ADAMTS3: variants seen among roughly 807,000 people sequenced by gnomAD.
ADAMTS3 encodes the protein A disintegrin and metalloproteinase with thrombospondin motifs 3.
ADAMTS3 carries 73 observed loss-of-function variants against 129.0 expected under a neutral mutation model. That is an observed-to-expected ratio of 0.57 (90% CI 0.47 to 0.69). The LOEUF is 0.69. ADAMTS3 is among the 30% of genes least tolerant of loss of function. The pLI is 0.00. For synonymous variants in ADAMTS3, 477 were observed against 510.8 expected, an observed-to-expected ratio of 0.93 and a Z score of 0.89; for missense variants, 1,457 against 1,514.5, an observed-to-expected ratio of 0.96 and a Z score of 0.63.
At chr4:72,529,966 TA>T (rs1481283591) in intron 3 of ADAMTS3, among the ~76,000 whole-genome samples, 11 of 1,204 alleles carry the variant, frequency 9.1e-3, no homozygotes, top group Non-Finnish European at 0.023. Context: ...TAATATATTA[TA>T]TTTATATATA....
intron 3 of ADAMTS3, among the ~76,000 whole-genome samples, chr4:72,487,984 G>GA (rs1364660464): frequency 6.6e-6 from 1 of 151,770 alleles, no homozygotes; most frequent in Non-Finnish European, 1.5e-5. Context: ...AATGGAGAAA[G>GA]AAAAAAATAA....
Position 72,569,063 on chromosome 4 carries a change from C to G in ADAMTS3, c.-301G>C. ...CTAAGCCTGGGAGAGGGGGAAGGGACGAGGGGCTTTCCAACTATCTCTGCC... is the reference window on the plus strand; with the variant it reads ...CTAAGCCTGGGAGAGGGGGAAGGGAGGAGGGGCTTTCCAACTATCTCTGCC... On this transcript the variant is annotated 5_prime_UTR_variant, in exon 1 of 22. Transcript: ENST00000286657. 2.2e-6 allele frequency: 1 copy of G among 449,834 alleles called. No homozygotes were observed. The highest frequency in any genetic ancestry group is 4.0e-6 in the Non-Finnish European group (1 of 252,094). The allele number at this position is 449,834 out of a possible 1,614,324, so 27.9% of individuals were successfully genotyped here. A position where few individuals can be genotyped will look rare whatever the true frequency, so the allele number is the denominator to read the frequency against.
chr4:72,374,410 C>A (rs1302806335), intron 4 of ADAMTS3, among the ~76,000 whole-genome samples: 7 of 151,774 alleles, frequency 4.6e-5, no homozygotes, highest in Non-Finnish European at 1.0e-4. Flanking sequence ...GAAAACCAGT[C>A]ACAAGGGATT....
At chr4:72,361,642 G>A (rs764245417) in intron 4 of ADAMTS3, among the ~76,000 whole-genome samples, 6 of 151,998 alleles carry the variant, frequency 3.9e-5, no homozygotes, top group Admixed American at 1.3e-4. Flanking sequence ...TTTCCTGCAT[G>A]AGCATGCTCC....
chr4:72,283,546 C>T lies in ADAMTS3; in HGVS notation c.3208G>A (p.Asp1070Asn). The change falls in exon 22 of 22, where the codon GAT (aspartate) becomes AAT (asparagine). Residue 1070 changes from aspartate (D) to asparagine (N), a missense_variant. Coordinates refer to ENST00000286657, the MANE Select transcript of ADAMTS3 (RefSeq NM_014243.3). ...TCACTAGGGTTAGAGATGACATCAT[C>T]ATGAGTTTCAGCAGCTTCTAGAAGG... The part of the protein sequence containing the change: ...PYLLEAAETH[D>N]DVISNPSDLP... 2 of 1,614,056 alleles carry T rather than the reference C, an allele frequency of 1.2e-6. No individual in the cohort carries two copies. The highest frequency in any genetic ancestry group is 1.3e-5 in the African/African-American group (1 of 75,030).
intron 21 of ADAMTS3, among the ~76,000 whole-genome samples, chr4:72,285,234 G>A (rs953998131): frequency 1.3e-5 from 2 of 152,202 alleles, no homozygotes; most frequent in African/African-American, 2.4e-5. Flanking sequence ...ATTGTGAAAT[G>A]ACTCATATAT....
At chr4:72,382,389 A>G (rs115547627) in intron 4 of ADAMTS3, among the ~76,000 whole-genome samples, 1,667 of 151,186 alleles carry the variant, frequency 0.011, 45 homozygotes, top group African/African-American at 0.039. Flanking sequence ...TATGATATTG[A>G]GTTCTGCTGG....
chr4:72,385,110 G>A (rs1179628096), intron 4 of ADAMTS3, among the ~76,000 whole-genome samples: 1 of 151,968 alleles, frequency 6.6e-6, no homozygotes, highest in Non-Finnish European at 1.5e-5. Context: ...AACCTGGGAG[G>A]TGGAGCTTGC....
rs561957932 is a variant in ADAMTS3 at position 72,478,225 on chromosome 4, C to G, written c.505-63254G>C. ...GCTTCATTCTGATACCAAAGCTGGG[C>G]AGAGACACAACTAAAAAAGAGAATT... is the stretch of plus-strand genomic sequence containing the variant. On this transcript the variant is annotated intron_variant, in intron 3 of 21. Transcript: ENST00000286657. 6.5e-3 allele frequency among the ~76,000 whole-genome samples: 993 copies of G among 152,162 alleles called. 6 individuals are homozygous for G. The highest frequency in any genetic ancestry group is 0.023 in the African/African-American group (945 of 41,492).
intron 3 of ADAMTS3, among the ~76,000 whole-genome samples, chr4:72,524,190 A>G (rs966759442): frequency 6.6e-6 from 1 of 152,128 alleles, no homozygotes; most frequent in East Asian, 1.9e-4. Context: ...GAATAACTAA[A>G]AAGGAGAGCC....
intron 3 of ADAMTS3, among the ~76,000 whole-genome samples, chr4:72,425,775 A>C (rs1254864491): frequency 1.3e-5 from 2 of 151,722 alleles, no homozygotes; most frequent in Non-Finnish European, 2.9e-5. Flanking sequence ...GCTATTGTGA[A>C]TAGTGCCACA....
At chr4:72,453,131 T>C (rs1189182970) in intron 3 of ADAMTS3, among the ~76,000 whole-genome samples, 2 of 151,832 alleles carry the variant, frequency 1.3e-5, no homozygotes, top group Non-Finnish European at 2.9e-5. Flanking sequence ...ATTGCTTTAT[T>C]ATATTATATA....
intron 4 of ADAMTS3, among the ~76,000 whole-genome samples, chr4:72,359,931 C>G (rs751585120): frequency 6.6e-6 from 1 of 151,928 alleles, no homozygotes; most frequent in Non-Finnish European, 1.5e-5. Flanking sequence ...TATAAGTACA[C>G]TTTTCATTAT....
At chr4:72,462,249 C>T (rs1374401893) in intron 3 of ADAMTS3, among the ~76,000 whole-genome samples, 1 of 151,794 alleles carries the variant, frequency 6.6e-6, no homozygotes, top group East Asian at 1.9e-4. Context: ...TTAATAAAGC[C>T]AGCAACCTCA....
intron 20 of ADAMTS3, among the ~76,000 whole-genome samples, chr4:72,289,778 C>T (rs1011910335): frequency 2.0e-5 from 3 of 152,160 alleles, no homozygotes. Flanking sequence ...GTCTCTCTTG[C>T]ATGCCTCCTT....
intron 3 of ADAMTS3, among the ~76,000 whole-genome samples, chr4:72,537,244 T>C (rs1271236239): frequency 6.6e-6 from 1 of 152,206 alleles, no homozygotes; most frequent in African/African-American, 2.4e-5. Context: ...AAAAAGGGCC[T>C]TGTTCTCCAA....
intron 3 of ADAMTS3, among the ~76,000 whole-genome samples, chr4:72,495,631 CAA>C (rs1198119596): frequency 6.6e-6 from 1 of 151,884 alleles, no homozygotes; most frequent in Non-Finnish European, 1.5e-5. Flanking sequence ...ATAACAGTTG[CAA>C]AAAAATACCT....
At chr4:72,369,003 G>A (rs1720937781) in intron 4 of ADAMTS3, among the ~76,000 whole-genome samples, 1 of 152,142 alleles carries the variant, frequency 6.6e-6, no homozygotes, top group Non-Finnish European at 1.5e-5. Context: ...CTGCTTTCAT[G>A]CAATTAAAAT....
intron 19 of ADAMTS3, among the ~76,000 whole-genome samples, chr4:72,292,818 TCA>T (rs1406263556): frequency 1.3e-5 from 2 of 152,214 alleles, no homozygotes; most frequent in Non-Finnish European, 2.9e-5. Flanking sequence ...TCTTTGGTAT[TCA>T]CAGTTTAAGA....
Sources: gnomAD v4.1 joint callset for allele counts (sites outside exome capture counted in the v4.1 genomes callset) on GRCh38, gnomAD v4.1.1 for gene constraint, MANE v1.5 for transcripts, NCBI Gene and HGNC (gene_info 2026-07-23, HGNC 2026-07-21) for gene names.